HYKK: variants seen among roughly 807,000 people sequenced by gnomAD.
The protein encoded by HYKK is hydroxylysine kinase, also known as 5-hydroxy-L-lysine kinase.
Under a neutral mutation model 29.7 loss-of-function variants are expected in HYKK, and 19 were observed. The observed-to-expected ratio is 0.64, with a 90% CI of 0.45 to 0.94. The LOEUF (loss-of-function observed/expected upper bound fraction) is 0.94, where lower values mean the gene tolerates loss of function less well. Ranked by LOEUF, HYKK falls within the 40% of genes least tolerant of loss-of-function variation. The pLI is 0.00. For missense variants in HYKK, 390 were observed against 443.4 expected (o/e 0.88, Z 1.08); for synonymous variants, 152 against 158.1 (o/e 0.96, Z 0.29).
intron 3 of HYKK, among the ~76,000 whole-genome samples, chr15:78,521,882 C>T (rs146104901): frequency 6.8e-4 from 104 of 152,118 alleles, no homozygotes; most frequent in African/African-American, 2.3e-3. Context: ...GTGGGTCAAT[C>T]GTGCCATCAT....
chr15:78,514,165 G>A (rs541391914), intron 2 of HYKK, among the ~76,000 whole-genome samples: 1 of 151,998 alleles, frequency 6.6e-6, no homozygotes, highest in East Asian at 1.9e-4. Flanking sequence ...ATAAATTCTG[G>A]TGTTGTGGTA....
chr15:78,520,585 CAGA>C (rs1045855864), intron 3 of HYKK, among the ~76,000 whole-genome samples: 59 of 152,338 alleles, frequency 3.9e-4, no homozygotes, highest in African/African-American at 1.4e-3. Flanking sequence ...GATCCCAAGG[CAGA>C]AGAATTTTTC....
intron 3 of HYKK, among the ~76,000 whole-genome samples, chr15:78,515,834 C>T (rs979210547): frequency 2.0e-5 from 3 of 152,190 alleles, no homozygotes; most frequent in South Asian, 4.2e-4. Flanking sequence ...GTGATCCACC[C>T]GCCTCGGCCT....
chr15:78,530,845 A>T (rs1409367167), intron 4 of HYKK, among the ~76,000 whole-genome samples: 1 of 151,684 alleles, frequency 6.6e-6, no homozygotes, highest in Non-Finnish European at 1.5e-5. Flanking sequence ...ACTCAGCTTA[A>T]ATCCTGTTTT....
chr15:78,513,127 CA>C lies in HYKK; in HGVS notation c.42del (p.Lys14AsnfsTer12), dbSNP rs1169157199. ...ACTATCAGCAGTCAGAGGCTCTTAG[CA>C]AACCCACTTTCAGTGAGGAACAAGC... Reference protein sequence around the residue: ...GNYQQSEALSKPTFSEEQASA... With the variant: ...GNYQQSEALSXPTFSEEQASA... On this transcript the variant is annotated frameshift_variant, in exon 2 of 5. Transcript: ENST00000388988. LOFTEE classifies it high-confidence loss of function. 6.2e-7 allele frequency: 1 copy of C among 1,613,848 alleles called. No homozygotes were observed. The highest frequency in any genetic ancestry group is 1.7e-5 in the Admixed American group (1 of 59,988).
At chr15:78,531,018 C>T (rs2052306768) in intron 4 of HYKK, among the ~76,000 whole-genome samples, 1 of 152,006 alleles carries the variant, frequency 6.6e-6, no homozygotes, top group South Asian at 2.1e-4. Context: ...TATGCACCAC[C>T]ACACCACGTA....
At position 78,519,869 on chromosome 15, in the gene HYKK, T is replaced by G. The variant is rs1314486999; in HGVS notation, c.477+4762T>G. The stretch of plus-strand genomic sequence containing the variant: ...TACTATTGAGGTTTAAATGACTGTC[T>G]GTTACATAATAGTTTTCCTTTACCA... On this transcript the variant is annotated intron_variant, in intron 3 of 4. Coordinates refer to ENST00000388988, the MANE Select transcript of HYKK (RefSeq NM_001013619.4). Among the ~76,000 whole-genome samples the G allele has an allele frequency of 2.6e-5, 4 of 152,254 alleles. No homozygotes were observed. In the East Asian group the frequency reaches 7.7e-4, roughly 29 times the overall value.
chr15:78,531,562 C>T (rs757744973), intron 4 of HYKK, among the ~76,000 whole-genome samples: 38 of 152,174 alleles, frequency 2.5e-4, no homozygotes, highest in Non-Finnish European at 5.0e-4. Flanking sequence ...GATAGAGTCT[C>T]GCTCTGTTGC....
At chr15:78,520,403 G>T (rs1014941322) in intron 3 of HYKK, among the ~76,000 whole-genome samples, 2 of 152,208 alleles carry the variant, frequency 1.3e-5, no homozygotes, top group Admixed American at 1.3e-4. Flanking sequence ...CAGTGTTTGT[G>T]TCCCTGGGTA....
intron 3 of HYKK, among the ~76,000 whole-genome samples, chr15:78,524,279 A>C (rs958658262): frequency 1.2e-4 from 18 of 152,230 alleles, no homozygotes; most frequent in African/African-American, 4.3e-4. Context: ...CACATGCTTA[A>C]CACCACTTGG....
At chr15:78,517,109 C>CTTTTTTTTTTTTTTTTTTTTTTTTCTT (rs34680285) in intron 3 of HYKK, among the ~76,000 whole-genome samples, 1 of 108,404 alleles carries the variant, frequency 9.2e-6, no homozygotes, top group Admixed American at 1.1e-4. Context: ...TTCTTTCTTT[C>CTTTTTTTTTTTTTTTTTTTTTTTTCTT]TTTTTTTTTT....
Position 78,533,275 on chromosome 15 carries a change from A to T in HYKK, c.727A>T (p.Asn243Tyr), listed in dbSNP as rs1385009067. 11 of 1,613,852 alleles carry T rather than the reference A, an allele frequency of 6.8e-6. No individual in the cohort carries two copies. The highest frequency in any genetic ancestry group is 8.5e-6 in the Non-Finnish European group (10 of 1,179,696). The change falls in exon 5 of 5, where the codon AAT (asparagine) becomes TAT (tyrosine). Residue 243 changes from asparagine to tyrosine, a missense_variant. By Grantham distance (143) the Asn-to-Tyr change is moderately radical. Coordinates refer to ENST00000388988, the MANE Select transcript of HYKK (RefSeq NM_001013619.4). ...LIESSKSASG[N>Y]AEYQVSGILD... Reference sequence around the variant, plus strand: ...AGAGTCCAGCAAGTCAGCCTCTGGAAATGCTGAATATCAAGTGTCTGGGAT... The same window carrying T: ...AGAGTCCAGCAAGTCAGCCTCTGGATATGCTGAATATCAAGTGTCTGGGAT...
chr15:78,525,229 C>G (rs1233671662), intron 3 of HYKK, among the ~76,000 whole-genome samples: 1 of 151,818 alleles, frequency 6.6e-6, no homozygotes, highest in Non-Finnish European at 1.5e-5. Context: ...GATCTCAGCT[C>G]ACTGCAAGCT....
chr15:78,517,085 T>TTTC (rs1567017509), intron 3 of HYKK, among the ~76,000 whole-genome samples: 14 of 107,374 alleles, frequency 1.3e-4, no homozygotes, highest in South Asian at 3.7e-4. Context: ...GGTCCTTTTC[T>TTTC]TTTCTTTCTT....
chr15:78,537,000 A>G (rs2052368172), downstream of HYKK, among the ~76,000 whole-genome samples: 1 of 152,180 alleles, frequency 6.6e-6, no homozygotes, highest in Admixed American at 6.5e-5. Flanking sequence ...CTTGGCCTTC[A>G]AACTCCAGGA....
Position 78,527,411 on chromosome 15 carries a change from A to T in HYKK, c.509A>T (p.His170Leu). 1.9e-6 allele frequency: 3 copies of T among 1,614,052 alleles called. No homozygotes were observed. The highest frequency in any genetic ancestry group is 2.5e-6 in the Non-Finnish European group (3 of 1,179,958). The change falls in exon 4 of 5, where the codon CAT becomes CTT. Residue 170 changes from histidine (H) to leucine (L), a missense_variant. Coordinates refer to ENST00000388988, the MANE Select transcript of HYKK (RefSeq NM_001013619.4). ...RFHHPKLSSLHRENFIWNLKN... is the reference protein window; with the variant it reads ...RFHHPKLSSLLRENFIWNLKN... ...CATCACCCAAAGTTAAGTAGTCTTC[A>T]TCGGGAGAACTTCATCTGGAATCTG...
intron 3 of HYKK, among the ~76,000 whole-genome samples, chr15:78,519,421 A>C (rs1187893846): frequency 1.3e-5 from 2 of 152,222 alleles, no homozygotes; most frequent in Non-Finnish European, 2.9e-5. Context: ...CTTTCTAATT[A>C]ATATATTTTT....
chr15:78,520,862 G>C (rs1276444457), intron 3 of HYKK, among the ~76,000 whole-genome samples: 2 of 150,848 alleles, frequency 1.3e-5, no homozygotes, highest in Non-Finnish European at 3.0e-5. Context: ...CTGGCCGGGC[G>C]GGGGGCTGAC....
chr15:78,517,208 T>C (rs1186504348), intron 3 of HYKK, among the ~76,000 whole-genome samples: 2 of 151,142 alleles, frequency 1.3e-5, no homozygotes, highest in Non-Finnish European at 2.9e-5. Flanking sequence ...GCATTATTTC[T>C]GACAGGAAAT....
Sources: allele counts gnomAD v4.1 joint callset (sites outside exome capture counted in the v4.1 genomes callset), GRCh38; gene constraint gnomAD v4.1.1; transcripts MANE v1.5; gene names NCBI Gene and HGNC (gene_info 2026-07-23, HGNC 2026-07-21).